The following PSMA6 variants were observed in gnomAD, a reference collection of about 807,000 sequenced individuals.
The protein encoded by PSMA6 is proteasome 20S subunit alpha 6.
For synonymous variants in PSMA6, 88 were observed against 97.7 expected, an observed-to-expected ratio of 0.90 and a Z score of 0.59; for missense variants, 170 against 294.8, an observed-to-expected ratio of 0.58 and a Z score of 3.10.
chr14:35,307,611 A>G lies in PSMA6; in HGVS notation c.77-383A>G, dbSNP rs185503196. Among the ~76,000 whole-genome samples the G allele has an allele frequency of 2.5e-3, 380 of 151,952 alleles. 1 individual carries two copies. Among genetic ancestry groups the G allele is most frequent in the African/African-American group, 8.7e-3 (361 of 41,430 alleles). ...TAGCCAGATGTGGTGGCACGCGCCTATAATCCCAGCTACTTAGGAGGCTGA... is the reference window on the plus strand; with the variant it reads ...TAGCCAGATGTGGTGGCACGCGCCTGTAATCCCAGCTACTTAGGAGGCTGA... On this transcript the variant is annotated intron_variant, in intron 1 of 6. Coordinates refer to ENST00000261479, the MANE Select transcript of PSMA6 (RefSeq NM_002791.3).
At chr14:35,308,421 CAAAAAAAAAAAG>C (rs2051873209) in intron 2 of PSMA6, 1 of 139,092 alleles carries the variant, frequency 7.2e-6, no homozygotes, top group Non-Finnish European at 1.5e-5. Context: ...AACTCCGTCT[CAAAAAAAAAAAG>C]AAAAAAGAAA....
At chr14:35,298,648 CCAA>C (rs2138725570) in intron 1 of PSMA6, among the ~76,000 whole-genome samples, 1 of 152,192 alleles carries the variant, frequency 6.6e-6, no homozygotes, top group African/African-American at 2.4e-5. Flanking sequence ...AGTACTGTTG[CCAA>C]CGTTTGAATC....
Position 35,281,510 on chromosome 14 carries a change from G to A in PSMA6, c.19+2792G>A, listed in dbSNP as rs553141712. Among the ~76,000 whole-genome samples, 16 of 152,266 alleles carry A rather than the reference G, an allele frequency of 1.1e-4. No homozygotes were observed. In the East Asian group the frequency reaches 2.9e-3, roughly 28 times the overall value. On this transcript the variant is annotated intron_variant, in intron 1 of 6. Transcript: ENST00000540871. The stretch of plus-strand genomic sequence containing the variant: ...TTCTGATTCAGGTCTGACATACCCC[G>A]TGATGCCAATGCTGCAGACTGTAAT...
chr14:35,294,068 G>C (rs1424990960), intron 1 of PSMA6, among the ~76,000 whole-genome samples: 1 of 152,158 alleles, frequency 6.6e-6, no homozygotes, highest in African/African-American at 2.4e-5. Context: ...TTTTGAGACA[G>C]AGCTTCACTC....
chr14:35,281,175 T>C (rs1377261064), intron 1 of PSMA6, among the ~76,000 whole-genome samples: 2 of 152,204 alleles, frequency 1.3e-5, no homozygotes, highest in East Asian at 1.9e-4. Context: ...GTGCAAATTC[T>C]TTCATACTTT....
chr14:35,314,287 GAATA>G, intron 5 of PSMA6, 70 bp from the exon 6 acceptor site: 1 of 1,388,332 alleles, frequency 7.2e-7, no homozygotes, highest in Non-Finnish European at 9.5e-7. Flanking sequence ...CTCATGATTT[GAATA>G]AGCTAGGAAT....
intron 1 of PSMA6, among the ~76,000 whole-genome samples, chr14:35,283,832 T>C (rs2051394352): frequency 6.6e-6 from 1 of 152,190 alleles, no homozygotes; most frequent in Non-Finnish European, 1.5e-5. Flanking sequence ...CCTCCCAAAG[T>C]GCTAGGATTA....
chr14:35,300,281 CA>C (rs913682369), intron 1 of PSMA6, among the ~76,000 whole-genome samples: 5 of 152,024 alleles, frequency 3.3e-5, no homozygotes, highest in Admixed American at 1.3e-4. Context: ...CTAGCCTGGA[CA>C]AAATAACAAG....
chr14:35,305,646 C>T (rs1469682225), intron 1 of PSMA6, among the ~76,000 whole-genome samples: 1 of 152,118 alleles, frequency 6.6e-6, no homozygotes, highest in Non-Finnish European at 1.5e-5. Context: ...ACTCAGTGCC[C>T]AGAGTGACAC....
chr14:35,312,576 A>G (rs1313261897), intron 4 of PSMA6, among the ~76,000 whole-genome samples: 1 of 151,250 alleles, frequency 6.6e-6, no homozygotes, highest in African/African-American at 2.4e-5. Context: ...TTGAAGGATT[A>G]GGGTTCAAAT....
chr14:35,308,064 A>C lies in PSMA6; in HGVS notation c.147A>C (p.Val49=), dbSNP rs759838661. 2 of 1,614,000 alleles carry C rather than the reference A, an allele frequency of 1.2e-6. No individual in the cohort carries two copies. The highest frequency in any genetic ancestry group is 1.7e-6 in the Non-Finnish European group (2 of 1,179,894). Residue 49 remains valine, a synonymous_variant, in exon 2 of 7, where the codon GTA becomes GTC. Transcript: ENST00000261479. ...CTGTCAGAGGGAAAGACTGTGCAGT[A>C]ATTGTCACACAGAAGAAAGTACCTG... The part of the protein sequence containing the change: ...SVAVRGKDCA[V]IVTQKKVPDK...
chr14:35,285,728 G>C (rs2051415740), intron 1 of PSMA6, among the ~76,000 whole-genome samples: 1 of 152,218 alleles, frequency 6.6e-6, no homozygotes, highest in Non-Finnish European at 1.5e-5. Flanking sequence ...TGAGGGTGGG[G>C]GTGGGGAATA....
intron 1 of PSMA6, among the ~76,000 whole-genome samples, chr14:35,302,041 AT>A (rs570260226): frequency 0.033 from 4,911 of 148,720 alleles, 261 homozygotes; most frequent in African/African-American, 0.11. Context: ...TGTTACTAGA[AT>A]TTTTTTTTTT....
intron 5 of PSMA6, chr14:35,313,765 C>G (rs2051986753): frequency 6.6e-6 from 1 of 152,302 alleles, no homozygotes; most frequent in South Asian, 2.1e-4. Flanking sequence ...TTGAGACCAT[C>G]CTGGCCAACA....
intron 1 of PSMA6, among the ~76,000 whole-genome samples, chr14:35,285,363 A>AAAAC (rs2051412120): frequency 6.6e-6 from 1 of 151,340 alleles, no homozygotes; most frequent in Non-Finnish European, 1.5e-5. Flanking sequence ...AACAAAAAAA[A>AAAAC]AAACCGTAGC....
At chr14:35,311,736 T>C (rs1333885822) in intron 4 of PSMA6, among the ~76,000 whole-genome samples, 5 of 152,196 alleles carry the variant, frequency 3.3e-5, no homozygotes, top group African/African-American at 1.2e-4. Flanking sequence ...TATGGTAACA[T>C]TAGAATTGTA....
upstream of PSMA6, chr14:35,292,380 C>T: frequency 5.2e-6 from 8 of 1,541,146 alleles, no homozygotes; most frequent in Admixed American, 2.0e-5. Context: ...GGCTGGTACC[C>T]CGGAAGCAGT....
intron 2 of PSMA6, 86 bp from the exon 3 acceptor site, chr14:35,308,828 G>A: frequency 2.2e-6 from 2 of 925,066 alleles, no homozygotes; most frequent in Non-Finnish European, 3.4e-6. Flanking sequence ...AAGAAGCAGG[G>A]CAAATTAAAA....
chr14:35,283,862 A>G (rs550727759), intron 1 of PSMA6, among the ~76,000 whole-genome samples: 1 of 152,276 alleles, frequency 6.6e-6, no homozygotes, highest in South Asian at 2.1e-4. Context: ...ATGAGCCACC[A>G]TGTCCAGCCT....
Sources: gnomAD v4.1 joint callset for allele counts (sites outside exome capture counted in the v4.1 genomes callset) on GRCh38, gnomAD v4.1.1 for gene constraint, MANE v1.5 for transcripts, NCBI Gene and HGNC (gene_info 2026-07-23, HGNC 2026-07-21) for gene names.